GRIN3A: variants seen among roughly 807,000 people sequenced by gnomAD.
GRIN3A encodes glutamate ionotropic receptor NMDA type subunit 3A, also known as glutamate receptor ionotropic, NMDA 3A.
Under a neutral mutation model 92.4 loss-of-function variants are expected in GRIN3A, and 47 were observed. That is an observed-to-expected ratio of 0.51 (90% CI 0.40 to 0.65). GRIN3A has a LOEUF of 0.65. Ranked by LOEUF, GRIN3A falls within the 30% of genes least tolerant of loss-of-function variation. GRIN3A has a pLI of 0.00. For missense variants in GRIN3A, 1,324 were observed against 1,393.1 expected (o/e 0.95, Z 0.79); for synonymous variants, 527 against 540.6 (o/e 0.97, Z 0.35).
chr9:101,683,481 T>TGCA (rs1470494174), intron 2 of GRIN3A, among the ~76,000 whole-genome samples: 2 of 152,334 alleles, frequency 1.3e-5, no homozygotes, highest in East Asian at 3.9e-4. Context: ...TAAATAAGGA[T>TGCA]GATGGAAAAT....
intron 6 of GRIN3A, among the ~76,000 whole-genome samples, chr9:101,599,878 C>A (rs751668388): frequency 2.6e-5 from 4 of 152,158 alleles, no homozygotes; most frequent in Non-Finnish European, 4.4e-5. Context: ...TGTAGCATTG[C>A]CGGTCACCAT....
In GRIN3A at chr9:101,691,926, G is replaced by A. The variant is rs1337681; in HGVS notation, c.700-4726C>T. The stretch of plus-strand genomic sequence containing the variant: ...CATACCTCCCTCATCTCTAAAATGA[G>A]GACAATGCTACTTCCTAACTTATGG... On this transcript the variant is annotated intron_variant, in intron 1 of 8. Coordinates refer to ENST00000361820, the MANE Select transcript of GRIN3A (RefSeq NM_133445.3). Among the ~76,000 whole-genome samples the A allele has an allele frequency of 1.7e-3, 266 of 152,196 alleles. 1 individual carries two copies. In the East Asian group the frequency reaches 0.025, roughly 14 times the overall value.
chr9:101,697,330 G>A (rs879840148), intron 1 of GRIN3A, among the ~76,000 whole-genome samples: 13 of 152,168 alleles, frequency 8.5e-5, no homozygotes, highest in Non-Finnish European at 1.9e-4. Context: ...AAAGTAAAGA[G>A]ACATTGAGAA....
At chr9:101,724,737 A>T (rs1799026252) in intron 1 of GRIN3A, among the ~76,000 whole-genome samples, 1 of 152,038 alleles carries the variant, frequency 6.6e-6, no homozygotes, top group African/African-American at 2.4e-5. Flanking sequence ...CTTTCTCCTC[A>T]TTTTCTCTAG....
intron 2 of GRIN3A, among the ~76,000 whole-genome samples, chr9:101,676,943 C>T (rs192917044): frequency 6.9e-4 from 104 of 151,092 alleles, no homozygotes; most frequent in Admixed American, 1.7e-3. Context: ...TTCATATCTA[C>T]GACGAATCTT....
At chr9:101,601,808 T>C (rs776116340) in intron 6 of GRIN3A, among the ~76,000 whole-genome samples, 1 of 152,180 alleles carries the variant, frequency 6.6e-6, no homozygotes, top group Non-Finnish European at 1.5e-5. Context: ...ATGCCAGTCA[T>C]ACTGGATTCG....
intron 1 of GRIN3A, among the ~76,000 whole-genome samples, chr9:101,714,971 A>G (rs924251615): frequency 6.6e-6 from 1 of 152,162 alleles, no homozygotes; most frequent in Non-Finnish European, 1.5e-5. Flanking sequence ...TATTTGGGAA[A>G]GAATTTTATG....
chr9:101,699,070 C>T (rs1189158951), intron 1 of GRIN3A, among the ~76,000 whole-genome samples: 2 of 152,212 alleles, frequency 1.3e-5, no homozygotes, highest in Non-Finnish European at 2.9e-5. Context: ...TGAAATAACA[C>T]AGTATAAAAC....
Position 101,670,512 on chromosome 9 carries a change from T to C in GRIN3A, c.1900A>G (p.Ile634Val), listed in dbSNP as rs778793239. Residue 634 changes from isoleucine (I) to valine (V), a missense_variant, in exon 3 of 9, where the codon ATC (isoleucine) becomes GTC (valine). By Grantham distance (29) the Ile-to-Val change is conservative. Transcript: ENST00000361820. ...TAHMAVTSFSINTARSQVIDF... is the reference protein window; with the variant it reads ...TAHMAVTSFSVNTARSQVIDF... ...ATCACCTGGCTCCGTGCAGTATTGA[T>C]GCTAAAGGAAGTGACTGCCATGTGG... 8 of 1,613,884 alleles carry C rather than the reference T, an allele frequency of 5.0e-6. No homozygotes were observed. The African/African-American group carries it at 9.3e-5, about 19-fold the overall frequency.
At chr9:101,606,904 AC>A (rs1168767242) in intron 6 of GRIN3A, among the ~76,000 whole-genome samples, 1 of 121,686 alleles carries the variant, frequency 8.2e-6, no homozygotes, top group Admixed American at 8.4e-5. Context: ...GAAAAAAATT[AC>A]ATTTTTTTTT....
intron 1 of GRIN3A, among the ~76,000 whole-genome samples, chr9:101,710,146 A>G (rs1829861050): frequency 6.6e-6 from 1 of 152,314 alleles, no homozygotes; most frequent in Non-Finnish European, 1.5e-5. Context: ...CTTTAAGAAC[A>G]GGAGAGGTAA....
At chr9:101,622,632 A>T (rs1195144505) in intron 5 of GRIN3A, among the ~76,000 whole-genome samples, 4 of 152,220 alleles carry the variant, frequency 2.6e-5, no homozygotes, top group Non-Finnish European at 5.9e-5. Context: ...AGGGCATTAA[A>T]CTATAGAATG....
At chr9:101,627,328 T>G (rs546987717) in intron 4 of GRIN3A, among the ~76,000 whole-genome samples, 2 of 152,224 alleles carry the variant, frequency 1.3e-5, no homozygotes, top group African/African-American at 4.8e-5. Context: ...ATAAAATTTT[T>G]TAAGTGGCAT....
chr9:101,731,022 TTCTA>T (rs1294935371), intron 1 of GRIN3A, among the ~76,000 whole-genome samples: 1 of 152,294 alleles, frequency 6.6e-6, no homozygotes, highest in South Asian at 2.1e-4. Flanking sequence ...TGTAAAATTT[TTCTA>T]TCTTTCTGTG....
intron 3 of GRIN3A, among the ~76,000 whole-genome samples, chr9:101,650,300 C>A (rs755419267): frequency 6.6e-6 from 1 of 151,996 alleles, no homozygotes; most frequent in Non-Finnish European, 1.5e-5. Flanking sequence ...CACTATTAGG[C>A]TCCTCCCCTC....
At chr9:101,651,639 T>TGTGC (rs1267822480) in intron 3 of GRIN3A, among the ~76,000 whole-genome samples, 19 of 124,434 alleles carry the variant, frequency 1.5e-4, no homozygotes, top group South Asian at 8.4e-4. Context: ...AAATCCATTG[T>TGTGC]GTGTGTGTGT....
In GRIN3A at chr9:101,639,343, GA is replaced by G. The variant is rs926458907; in HGVS notation, c.2353-10943del. ...AACTGATGCTATAGGGCTTCTTACA[GA>G]AAAAAAAAAAGGAGGATGCCTTTAA... On this transcript the variant is annotated intron_variant, in intron 3 of 8. Transcript: ENST00000361820. Among the ~76,000 whole-genome samples the G allele has an allele frequency of 2.5e-3, 356 of 143,264 alleles. 1 individual carries two copies. The highest frequency in any genetic ancestry group is 5.0e-3 in the African/African-American group (196 of 39,202). The allele number at this position is 143,264 out of a possible 152,430, so 94.0% of individuals were successfully genotyped here.
At chr9:101,651,280 A>G (rs1829012073) in intron 3 of GRIN3A, among the ~76,000 whole-genome samples, 1 of 152,012 alleles carries the variant, frequency 6.6e-6, no homozygotes, top group South Asian at 2.1e-4. Context: ...AATCCCTATG[A>G]ATAATACAGA....
intron 3 of GRIN3A, among the ~76,000 whole-genome samples, chr9:101,649,891 A>G (rs1446414212): frequency 6.6e-6 from 1 of 152,034 alleles, no homozygotes. Context: ...AAACAAGTGT[A>G]GTGCATTTTG....
Sources: gnomAD v4.1 joint callset for allele counts (sites outside exome capture counted in the v4.1 genomes callset) on GRCh38, gnomAD v4.1.1 for gene constraint, MANE v1.5 for transcripts, NCBI Gene and HGNC (gene_info 2026-07-23, HGNC 2026-07-21) for gene names.